HECW2: variants seen among roughly 807,000 people sequenced by gnomAD.
HECW2 encodes the protein HECT, C2 and WW domain containing E3 ubiquitin protein ligase 2, also known as E3 ubiquitin-protein ligase HECW2.
HECW2 carries 61 observed loss-of-function variants against 175.2 expected under a neutral mutation model. That is an observed-to-expected ratio of 0.35 (90% CI 0.28 to 0.43). The LOEUF (loss-of-function observed/expected upper bound fraction) is 0.43, where lower values mean the gene tolerates loss of function less well. Among genes scored for constraint, HECW2 ranks in the 20% least tolerant of loss-of-function variants. The probability of loss-of-function intolerance (pLI) is 1.00; values close to 1 mark genes in which losing one functional copy is unlikely to be tolerated. For missense variants in HECW2, 1,524 were observed against 2,000.5 expected (o/e 0.76, Z 4.54); for synonymous variants, 671 against 731.0 (o/e 0.92, Z 1.32).
At position 196,257,644 on chromosome 2, in the gene HECW2, T is replaced by C. The variant is rs1227751112; in HGVS notation, c.3419+179A>G. 11 of 585,978 alleles carry C rather than the reference T, an allele frequency of 1.9e-5. No individual in the cohort carries two copies. The East Asian group carries it at 3.1e-4, about 17-fold the overall frequency. 36.3% of individuals were successfully genotyped at this position (585,978 alleles called of 1,614,324 possible). ...ATTAAACAGATCTCAGTGTAACAAA[T>C]GGCAACGTGAAGTGAATGATCACTC... is the stretch of plus-strand genomic sequence containing the variant. On this transcript the variant is annotated intron_variant, in intron 18 of 28. Transcript: ENST00000644978.
In HECW2 at chr2:196,588,698, A is replaced by C. The variant is rs188365570; in HGVS notation, c.-36+4810T>G. 8.4e-4 allele frequency among the ~76,000 whole-genome samples: 128 copies of C among 152,314 alleles called. No homozygotes were observed. The East Asian group carries it at 9.4e-3, about 11-fold the overall frequency. The stretch of plus-strand genomic sequence containing the variant: ...CATATACGTTGAACAAGACTAGAAG[A>C]AGCTAAGGACATTTCTCATCATATG... On this transcript the variant is annotated intron_variant, in intron 1 of 28. Transcript: ENST00000644978.
At chr2:196,448,500 A>G (rs1374650017) in intron 1 of HECW2, among the ~76,000 whole-genome samples, 3 of 152,232 alleles carry the variant, frequency 2.0e-5, no homozygotes, top group Non-Finnish European at 4.4e-5. Context: ...ACCCAGGTTT[A>G]TCCACAAAAT....
At chr2:196,493,740 G>C (rs1448650278) in intron 1 of HECW2, among the ~76,000 whole-genome samples, 1 of 152,116 alleles carries the variant, frequency 6.6e-6, no homozygotes, top group Non-Finnish European at 1.5e-5. Context: ...GCAAATTTGG[G>C]GCTGTAGGTG....
At chr2:196,201,965 C>T (rs543483892) in intron 28 of HECW2, among the ~76,000 whole-genome samples, 125 of 152,252 alleles carry the variant, frequency 8.2e-4, no homozygotes, top group African/African-American at 2.7e-3. Context: ...CTAAAATTTG[C>T]TTTCTCCCAA....
At chr2:196,298,541 A>G (rs1406091608) in intron 13 of HECW2, among the ~76,000 whole-genome samples, 2 of 152,092 alleles carry the variant, frequency 1.3e-5, no homozygotes, top group South Asian at 2.1e-4. Flanking sequence ...GTACATGTGC[A>G]CAACGTGCAG....
intron 1 of HECW2, among the ~76,000 whole-genome samples, chr2:196,569,239 G>A (rs892829698): frequency 1.3e-5 from 2 of 152,088 alleles, no homozygotes; most frequent in East Asian, 1.9e-4. Flanking sequence ...CTACTCAGGA[G>A]GCTGAGGCAG....
At chr2:196,470,823 A>G (rs1404955658) in intron 1 of HECW2, among the ~76,000 whole-genome samples, 1 of 152,140 alleles carries the variant, frequency 6.6e-6, no homozygotes, top group Non-Finnish European at 1.5e-5. Context: ...GACAGGTCGC[A>G]GGCATCTATA....
intron 2 of HECW2, among the ~76,000 whole-genome samples, chr2:196,424,382 T>A (rs1695487266): frequency 6.6e-6 from 1 of 152,112 alleles, no homozygotes; most frequent in Non-Finnish European, 1.5e-5. Flanking sequence ...GTCACACATC[T>A]CTCACTTTAA....
intron 23 of HECW2, among the ~76,000 whole-genome samples, chr2:196,224,745 A>G (rs534439523): frequency 6.6e-6 from 1 of 152,302 alleles, no homozygotes; most frequent in Non-Finnish European, 1.5e-5. Flanking sequence ...ATTTGAGGTA[A>G]GTGTAGACAG....
At chr2:196,465,989 C>A (rs1225841242) in intron 1 of HECW2, among the ~76,000 whole-genome samples, 1 of 152,170 alleles carries the variant, frequency 6.6e-6, no homozygotes, top group Non-Finnish European at 1.5e-5. Flanking sequence ...AAGTTATGTT[C>A]ACATCCAATC....
chr2:196,513,368 G>A (rs1458418324), intron 1 of HECW2, among the ~76,000 whole-genome samples: 18 of 152,140 alleles, frequency 1.2e-4, no homozygotes, highest in Admixed American at 1.2e-3. Context: ...AATTAGCTGG[G>A]CACGTTGGCA....
intron 7 of HECW2, among the ~76,000 whole-genome samples, chr2:196,321,871 G>C (rs2105766778): frequency 6.6e-6 from 1 of 152,258 alleles, no homozygotes; most frequent in East Asian, 1.9e-4. Flanking sequence ...TGCATAACTT[G>C]TTTTTGGTCT....
At chr2:196,382,432 T>C (rs1694234143) in intron 2 of HECW2, among the ~76,000 whole-genome samples, 1 of 151,688 alleles carries the variant, frequency 6.6e-6, no homozygotes, top group Admixed American at 6.6e-5. Flanking sequence ...ATGACTATAT[T>C]ACTTAATCGA....
intron 1 of HECW2, chr2:196,493,278 G>A (rs1453089284): frequency 1.3e-5 from 2 of 152,234 alleles, no homozygotes; most frequent in Non-Finnish European, 2.9e-5. Context: ...CTGAGGTGGA[G>A]AATCACTTGA....
intron 1 of HECW2, among the ~76,000 whole-genome samples, chr2:196,523,819 A>T (rs1245843953): frequency 6.6e-6 from 1 of 151,700 alleles, no homozygotes; most frequent in South Asian, 2.1e-4. Context: ...CATCCCAGGG[A>T]TGAAGCCCAC....
In HECW2 at chr2:196,319,033, A is replaced by T; in HGVS notation, c.1857T>A (p.Pro619=). ...QVSSETEPSD[P]ARTESVSEAS... ...CTTCGCTCACACTCTCTGTCCTGGC[A>T]GGATCACTGGGTTCTGTTTCAGAGG... Residue 619 remains proline, a synonymous_variant, in exon 9 of 29, where the codon CCT becomes CCA. Transcript: ENST00000644978. 6.2e-7 allele frequency: 1 copy of T among 1,613,912 alleles called. No individual in the cohort carries two copies. Among genetic ancestry groups the T allele is most frequent in the Non-Finnish European group, 8.5e-7 (1 of 1,179,940 alleles).
intron 28 of HECW2, among the ~76,000 whole-genome samples, chr2:196,202,470 C>T (rs761754354): frequency 1.2e-4 from 19 of 152,088 alleles, no homozygotes; most frequent in East Asian, 7.7e-4. Context: ...ACTCTGAGCC[C>T]GTATTTCTCA....
chr2:196,281,031 G>A (rs1418424645), intron 14 of HECW2, among the ~76,000 whole-genome samples: 1 of 152,124 alleles, frequency 6.6e-6, no homozygotes, highest in East Asian at 1.9e-4. Context: ...GGGATGGGTG[G>A]TCATTAACGG....
intron 28 of HECW2, among the ~76,000 whole-genome samples, chr2:196,202,254 A>G (rs1013383399): frequency 6.6e-6 from 1 of 152,182 alleles, no homozygotes; most frequent in African/African-American, 2.4e-5. Context: ...AAATTTTAGG[A>G]ACTATGATTA....
Sources: gnomAD v4.1 joint callset for allele counts (sites outside exome capture counted in the v4.1 genomes callset) on GRCh38, gnomAD v4.1.1 for gene constraint, MANE v1.5 for transcripts, NCBI Gene and HGNC (gene_info 2026-07-23, HGNC 2026-07-21) for gene names.